The following DLG2 variants were observed in gnomAD, a reference collection of about 807,000 sequenced individuals.
DLG2 encodes disks large homolog 2.
Under a neutral mutation model 132.5 loss-of-function variants are expected in DLG2, and 45 were observed. The observed-to-expected ratio is 0.34, with a 90% CI of 0.27 to 0.44. DLG2 has a LOEUF of 0.44. Among genes scored for constraint, DLG2 ranks in the 20% least tolerant of loss-of-function variants. The pLI, the probability that DLG2 is intolerant of heterozygous loss-of-function variation, is 1.00. For synonymous variants in DLG2, 424 were observed against 419.6 expected (o/e 1.01, Z -0.13); for missense variants, 1,045 against 1,196.9 (o/e 0.87, Z 1.87).
intron 16 of DLG2, among the ~76,000 whole-genome samples, chr11:83,860,402 T>C (rs2061260229): frequency 6.6e-6 from 1 of 152,158 alleles, no homozygotes; most frequent in South Asian, 2.1e-4. Context: ...ATATGAGACA[T>C]GGAGTCAAAG....
chr11:84,049,450 C>T (rs182907006), intron 11 of DLG2, among the ~76,000 whole-genome samples: 19 of 151,854 alleles, frequency 1.3e-4, no homozygotes, highest in African/African-American at 3.9e-4. Flanking sequence ...ACGGACTCTT[C>T]GCAGTTGAAA....
intron 7 of DLG2, among the ~76,000 whole-genome samples, chr11:84,344,855 A>G (rs1389190931): frequency 6.6e-6 from 1 of 152,204 alleles, no homozygotes; most frequent in African/African-American, 2.4e-5. Flanking sequence ...TTGCATTTCC[A>G]TCATTATTTC....
intron 9 of DLG2, among the ~76,000 whole-genome samples, chr11:84,115,323 T>G (rs540809950): frequency 6.6e-6 from 1 of 151,226 alleles, no homozygotes; most frequent in Non-Finnish European, 1.5e-5. Flanking sequence ...AGAAATATTT[T>G]CTGGAAGCAA....
intron 2 of DLG2, among the ~76,000 whole-genome samples, chr11:85,604,228 G>C (rs1244409333): frequency 6.6e-6 from 1 of 152,188 alleles, no homozygotes; most frequent in African/African-American, 2.4e-5. Flanking sequence ...AAGTCTCCAA[G>C]TTAGGCTTTC....
chr11:85,487,979 A>T (rs1486621345), intron 3 of DLG2, among the ~76,000 whole-genome samples: 2 of 152,230 alleles, frequency 1.3e-5, no homozygotes, highest in African/African-American at 4.8e-5. Flanking sequence ...TAGAATCATG[A>T]GGGTGGTTTC....
intron 3 of DLG2, among the ~76,000 whole-genome samples, chr11:85,333,315 G>A (rs1175760778): frequency 1.3e-5 from 2 of 152,202 alleles, no homozygotes; most frequent in African/African-American, 4.8e-5. Flanking sequence ...TATTGAAGTT[G>A]TTTATCAGTT....
At chr11:84,601,903 T>C (rs1448978529) in intron 6 of DLG2, among the ~76,000 whole-genome samples, 5 of 152,000 alleles carry the variant, frequency 3.3e-5, no homozygotes, top group Admixed American at 3.3e-4. Flanking sequence ...TGAATACACT[T>C]GAGGGTTCAT....
intron 9 of DLG2, among the ~76,000 whole-genome samples, chr11:84,132,644 G>A (rs1441398019): frequency 6.6e-6 from 1 of 152,006 alleles, no homozygotes; most frequent in Non-Finnish European, 1.5e-5. Context: ...AAACAAGGAT[G>A]ATTACCTGAT....
At chr11:85,083,295 T>G (rs943298307) in intron 6 of DLG2, among the ~76,000 whole-genome samples, 13 of 152,110 alleles carry the variant, frequency 8.5e-5, no homozygotes, top group African/African-American at 3.1e-4. Context: ...TCCTATTGGT[T>G]TGAGCAATAA....
intron 3 of DLG2, among the ~76,000 whole-genome samples, chr11:85,523,199 T>C (rs1265917064): frequency 2.0e-5 from 3 of 152,154 alleles, no homozygotes; most frequent in Non-Finnish European, 4.4e-5. Context: ...AGGGGCTTTT[T>C]CCCACTTCAC....
At chr11:83,686,034 C>T (rs2079695322) in intron 18 of DLG2, among the ~76,000 whole-genome samples, 1 of 152,052 alleles carries the variant, frequency 6.6e-6, no homozygotes. Context: ...CCCTCATCTC[C>T]CTAATCTATA....
chr11:83,600,290 G>C (rs1224644366), intron 19 of DLG2, among the ~76,000 whole-genome samples: 1 of 147,594 alleles, frequency 6.8e-6, no homozygotes, highest in African/African-American at 2.5e-5. Flanking sequence ...TTCCAGGTCT[G>C]TGTGAATCCA....
chr11:83,881,407 AAGCTAACATTC>A (rs1393275851), intron 15 of DLG2, among the ~76,000 whole-genome samples: 1 of 152,220 alleles, frequency 6.6e-6, no homozygotes, highest in Non-Finnish European at 1.5e-5. Flanking sequence ...TAAGTTTGTT[AAGCTAACATTC>A]AGTTATCAAT....
At chr11:84,578,365 C>A (rs1219534905) in intron 6 of DLG2, among the ~76,000 whole-genome samples, 2 of 152,078 alleles carry the variant, frequency 1.3e-5, no homozygotes, top group African/African-American at 2.4e-5. Context: ...CACTCAATGC[C>A]AGCCATGAAA....
At chr11:85,540,617 C>T (rs2075900710) in intron 3 of DLG2, among the ~76,000 whole-genome samples, 2 of 152,232 alleles carry the variant, frequency 1.3e-5, no homozygotes, top group South Asian at 2.1e-4. Flanking sequence ...ATTCAGGATA[C>T]AGAAAGCCCT....
intron 7 of DLG2, among the ~76,000 whole-genome samples, chr11:84,373,263 A>C (rs1298170370): frequency 6.6e-5 from 7 of 106,454 alleles, no homozygotes; most frequent in African/African-American, 3.3e-4. Flanking sequence ...AAAAAAAAAA[A>C]ACAAAACAAA....
At chr11:84,064,539 G>A (rs1479716152) in intron 10 of DLG2, among the ~76,000 whole-genome samples, 1 of 152,082 alleles carries the variant, frequency 6.6e-6, no homozygotes, top group African/African-American at 2.4e-5. Context: ...CTGAAAATAG[G>A]GATAATGAGA....
chr11:85,056,164 A>G (rs2063434990), intron 6 of DLG2, among the ~76,000 whole-genome samples: 1 of 152,192 alleles, frequency 6.6e-6, no homozygotes, highest in South Asian at 2.1e-4. Flanking sequence ...GTTATTAGAA[A>G]AGATCTTTGA....
chr11:84,613,432 C>T (rs772671640), intron 6 of DLG2, among the ~76,000 whole-genome samples: 1 of 152,016 alleles, frequency 6.6e-6, no homozygotes, highest in Non-Finnish European at 1.5e-5. Flanking sequence ...CTTCTATGCC[C>T]TACCTACTCA....
Sources: allele counts gnomAD v4.1 joint callset (sites outside exome capture counted in the v4.1 genomes callset), GRCh38; gene constraint gnomAD v4.1.1; transcripts MANE v1.5; gene names NCBI Gene and HGNC (gene_info 2026-07-23, HGNC 2026-07-21).